SMTNL2: variants seen among roughly 807,000 people sequenced by gnomAD.
SMTNL2 encodes the protein smoothelin-like protein 2.
A neutral mutation model predicts 44.1 loss-of-function variants in SMTNL2; 43 were observed. That is an observed-to-expected ratio of 0.98 (90% CI 0.76 to 1.26). The LOEUF is 1.26. SMTNL2 is among the 50% of genes most tolerant of loss of function. The probability of loss-of-function intolerance (pLI) is 0.00; values close to 1 mark genes in which losing one functional copy is unlikely to be tolerated. For synonymous variants in SMTNL2, 317 were observed against 287.6 expected, an observed-to-expected ratio of 1.10 and a Z score of -1.03; for missense variants, 646 against 670.2, an observed-to-expected ratio of 0.96 and a Z score of 0.40.
At chr17:4,594,139 T>G (rs920952034) in intron 4 of SMTNL2, among the ~76,000 whole-genome samples, 1 of 152,008 alleles carries the variant, frequency 6.6e-6, no homozygotes, top group South Asian at 2.1e-4. Context: ...TTGTGGGACC[T>G]TCAAGTCAGT....
At chr17:4,584,527 C>T, upstream of SMTNL2, 2 of 1,205,334 alleles carry the variant, frequency 1.7e-6, no homozygotes, top group Non-Finnish European at 1.0e-6. Context: ...CCACGGACGG[C>T]CAGTCGCGGC....
In SMTNL2 at chr17:4,607,322, G is replaced by T; in HGVS notation, c.1260-39G>T. 3.1e-6 allele frequency: 5 copies of T among 1,611,006 alleles called. No individual in the cohort carries two copies. Among genetic ancestry groups the T allele is most frequent in the Non-Finnish European group, 4.2e-6 (5 of 1,177,802 alleles). ...TGTCGCGGCTGTGGGGCTGGCTGAT[G>T]GCTGGGACCACCGTTCTGACGGGGC... On this transcript the variant is annotated intron_variant, in intron 7 of 7. Transcript: ENST00000389313. The surrounding 1 kb of genome is among the most constrained non-coding windows in gnomAD (Gnocchi z 4.7).
At position 4,593,714 on chromosome 17, in the gene SMTNL2, T is replaced by G. The variant is rs1340593932; in HGVS notation, c.731-108T>G. Reference sequence around the variant, plus strand: ...TTAGCCCAGAAGGTTAGCTCATCCATGCAGCGATGCCGGGTAAATGAGGCA... The same window carrying G: ...TTAGCCCAGAAGGTTAGCTCATCCAGGCAGCGATGCCGGGTAAATGAGGCA... On this transcript the variant is annotated intron_variant, in intron 3 of 7. Coordinates refer to ENST00000389313, the MANE Select transcript of SMTNL2 (RefSeq NM_001114974.2). 5.4e-6 allele frequency: 6 copies of G among 1,104,756 alleles called. No homozygotes were observed. In the East Asian group the frequency reaches 1.2e-4, roughly 23 times the overall value. 68.4% of individuals were successfully genotyped at this position (1,104,756 alleles called of 1,614,324 possible).
chr17:4,584,768 C>A lies in SMTNL2; in HGVS notation c.163C>A (p.Pro55Thr). Residue 55 changes from proline to threonine, a missense_variant, in exon 1 of 8, where the codon CCC (proline) becomes ACC (threonine). By Grantham distance (38) the Pro-to-Thr change is conservative. Coordinates refer to ENST00000389313, the MANE Select transcript of SMTNL2 (RefSeq NM_001114974.2). ...RVAEAMRLAG[P>T]LARTVADLQR... Reference sequence around the variant, plus strand: ...GGCAGAGGCGATGCGCCTGGCCGGCCCCCTGGCGCGCACGGTGGCCGACCT... The same window carrying A: ...GGCAGAGGCGATGCGCCTGGCCGGCACCCTGGCGCGCACGGTGGCCGACCT... The A allele has an allele frequency of 7.6e-7, 1 of 1,308,556 alleles. No individual in the cohort carries two copies. Among genetic ancestry groups the A allele is most frequent in the South Asian group, 2.1e-5 (1 of 48,242 alleles). 81.1% of individuals were successfully genotyped at this position (1,308,556 alleles called of 1,614,324 possible). A position where few individuals can be genotyped will look rare whatever the true frequency, so the allele number is the denominator to read the frequency against.
intron 4 of SMTNL2, among the ~76,000 whole-genome samples, chr17:4,594,110 T>C (rs1335346863): frequency 6.6e-6 from 1 of 152,006 alleles, no homozygotes; most frequent in Non-Finnish European, 1.5e-5. Context: ...TGGAGAAATA[T>C]GGTCACAGCC....
intron 7 of SMTNL2, among the ~76,000 whole-genome samples, chr17:4,602,878 G>A (rs1473168908): frequency 6.6e-6 from 1 of 152,092 alleles, no homozygotes; most frequent in East Asian, 1.9e-4. Flanking sequence ...TGCATATTGT[G>A]ACCCCTCCCT....
At position 4,584,618 on chromosome 17, in the gene SMTNL2, C is replaced by G. The variant is rs1017525555; in HGVS notation, c.13C>G (p.Pro5Ala). The change falls in exon 1 of 8, where the codon CCC (proline) becomes GCC (alanine). Residue 5 changes from proline to alanine, a missense_variant. Pro to Ala is a conservative substitution (Grantham distance 27). Transcript: ENST00000389313. ...GCTCTGCTGGGCCATGGAGCCGGCC[C>G]CCGACGCCCAGGAGGCGCGCACTGT... MEPAPDAQEARTVRE... is the reference protein window; with the variant it reads MEPAADAQEARTVRE... 6.4e-6 allele frequency: 8 copies of G among 1,243,724 alleles called. No homozygotes were observed. In the African/African-American group the frequency reaches 9.4e-5, roughly 15 times the overall value. 77.0% of individuals were successfully genotyped at this position (1,243,724 alleles called of 1,614,324 possible).
At chr17:4,591,972 C>T (rs938863595) in intron 1 of SMTNL2, among the ~76,000 whole-genome samples, 1 of 152,234 alleles carries the variant, frequency 6.6e-6, no homozygotes, top group African/African-American at 2.4e-5. Flanking sequence ...TGCCCCTGCA[C>T]GGGTAGCCAT....
chr17:4,593,240 G>C (rs1909658594), intron 3 of SMTNL2, 69 bp downstream of exon 3: 4 of 1,509,196 alleles, frequency 2.7e-6, no homozygotes, highest in Admixed American at 4.3e-5. Flanking sequence ...GCCGGGGCTG[G>C]GGAGAGGGAG....
chr17:4,605,153 GTTTTTT>G (rs753950451), intron 7 of SMTNL2, among the ~76,000 whole-genome samples: 3 of 82,250 alleles, frequency 3.6e-5, no homozygotes, highest in Non-Finnish European at 6.7e-5. Context: ...TTTTTGTTTG[GTTTTTT>G]TTTTTTTTTT....
In SMTNL2 at chr17:4,599,498, A is replaced by ACCCCAGCGGTGAGGCCATCCTAGCACCGG. The variant is rs1332940997; in HGVS notation, c.1259+2176_1259+2177insCCCAGCGGTGAGGCCATCCTAGCACCGGC. On this transcript the variant is annotated intron_variant, in intron 7 of 7. Transcript: ENST00000389313. ...CAGCGGCAAGGTCACTCCAGCACCC[A>ACCCCAGCGGTGAGGCCATCCTAGCACCGG]CTCCAGCGGCGAGGTCACCCCCACA... Among the ~76,000 whole-genome samples, 131 of 152,100 alleles carry ACCCCAGCGGTGAGGCCATCCTAGCACCGG rather than the reference A, an allele frequency of 8.6e-4. 3 individuals are homozygous for ACCCCAGCGGTGAGGCCATCCTAGCACCGG. In the South Asian group the frequency reaches 0.013, roughly 15 times the overall value.
At chr17:4,594,092 GT>G (rs1318543772) in intron 4 of SMTNL2, among the ~76,000 whole-genome samples, 195 bp downstream of exon 4, 1 of 152,104 alleles carries the variant, frequency 6.6e-6, no homozygotes, top group African/African-American at 2.4e-5. Flanking sequence ...TCGGTGGAGA[GT>G]TTCATTTGGA....
intron 1 of SMTNL2, among the ~76,000 whole-genome samples, chr17:4,591,540 G>A (rs1047909554): frequency 2.0e-5 from 3 of 152,250 alleles, no homozygotes; most frequent in African/African-American, 4.8e-5. Flanking sequence ...AGCACCTACC[G>A]GGGAGGACAG....
At chr17:4,602,173 C>T (rs1910065346) in intron 7 of SMTNL2, among the ~76,000 whole-genome samples, 1 of 152,062 alleles carries the variant, frequency 6.6e-6, no homozygotes, top group Non-Finnish European at 1.5e-5. Context: ...TTTTTGAGTG[C>T]CAGACACAAT....
chr17:4,592,376 G>A lies in SMTNL2; in HGVS notation c.415G>A (p.Glu139Lys). The A allele has an allele frequency of 6.2e-7, 1 of 1,613,750 alleles. No individual in the cohort carries two copies. Among genetic ancestry groups the A allele is most frequent in the Non-Finnish European group, 8.5e-7 (1 of 1,179,984 alleles). ...SGRGQSLDHD[E>K]ASESEMRKTS... is the part of the protein sequence containing the mutation. ...GTCTCTGTAGAGTTTGGATCACGAT[G>A]AGGCCAGTGAGTCGGAGATGAGAAA... The change falls in exon 2 of 8, where the codon GAG becomes AAG. Residue 139 changes from glutamate (E) to lysine (K), a missense_variant. Transcript: ENST00000389313. This position sits in a 1 kb window ranked among gnomAD's most constrained non-coding sequence, Gnocchi z 4.5.
chr17:4,592,588 C>T lies in SMTNL2; in HGVS notation c.487+140C>T. The T allele has an allele frequency of 3.9e-6, 3 of 768,148 alleles. No individual in the cohort carries two copies. The highest frequency in any genetic ancestry group is 6.2e-6 in the Non-Finnish European group (3 of 487,578). 47.6% of individuals were successfully genotyped at this position (768,148 alleles called of 1,614,324 possible). On this transcript the variant is annotated intron_variant, in intron 2 of 7. Transcript: ENST00000389313. The surrounding 1 kb of genome is among the most constrained non-coding windows in gnomAD (Gnocchi z 4.5). ...GAACCCCAGCAGGGAGAGAGGCTGC[C>T]AGGAGAGCAGCGTCATTCAGTAGAA... is the stretch of plus-strand genomic sequence containing the variant.
At chr17:4,599,593 T>A (rs1909947988) in intron 7 of SMTNL2, among the ~76,000 whole-genome samples, 1 of 152,200 alleles carries the variant, frequency 6.6e-6, no homozygotes, top group Non-Finnish European at 1.5e-5. Flanking sequence ...TGCCCGCTTA[T>A]GCCCTGGTCA....
At position 4,584,870 on chromosome 17, in the gene SMTNL2, G is replaced by A; in HGVS notation, c.265G>A (p.Gly89Arg). 1 of 1,313,284 alleles carries A rather than the reference G, an allele frequency of 7.6e-7. No homozygotes were observed. The highest frequency in any genetic ancestry group is 9.7e-7 in the Non-Finnish European group (1 of 1,033,910). 81.4% of individuals were successfully genotyped at this position (1,313,284 alleles called of 1,614,324 possible). Residue 89 changes from glycine to arginine, a missense_variant, in exon 1 of 8, where the codon GGG (glycine) becomes AGG (arginine). Physicochemically the swap from Gly to Arg is moderately radical, Grantham distance 125. Transcript: ENST00000389313. ...RQVEALGLASGMSPVPGTPGT... is the reference protein window; with the variant it reads ...RQVEALGLASRMSPVPGTPGT... ...GGTGGAGGCGCTGGGCTTGGCCAGCGGGATGTCCCCGGTGCCCGGCACTCC... is the reference window on the plus strand; with the variant it reads ...GGTGGAGGCGCTGGGCTTGGCCAGCAGGATGTCCCCGGTGCCCGGCACTCC...
At position 4,605,456 on chromosome 17, in the gene SMTNL2, C is replaced by G. The variant is rs574379753; in HGVS notation, c.1260-1905C>G. 2.6e-5 allele frequency among the ~76,000 whole-genome samples: 4 copies of G among 152,236 alleles called. No homozygotes were observed. In the East Asian group the frequency reaches 7.7e-4, roughly 29 times the overall value. On this transcript the variant is annotated intron_variant, in intron 7 of 7. Coordinates refer to ENST00000389313, the MANE Select transcript of SMTNL2 (RefSeq NM_001114974.2). ...GATGACAGGCATGAGCCACTGTGCC[C>G]GGCCTCATCTTTAACATTTATTAGC... is the stretch of plus-strand genomic sequence containing the variant.
Sources: allele counts gnomAD v4.1 joint callset (sites outside exome capture counted in the v4.1 genomes callset), GRCh38; gene constraint gnomAD v4.1.1; non-coding constraint Gnocchi (gnomAD v3.1); transcripts MANE v1.5; gene names NCBI Gene and HGNC (gene_info 2026-07-23, HGNC 2026-07-21).